Variants in NPAS3 observed in about 807,000 individuals in gnomAD.
The protein encoded by NPAS3 is neuronal PAS domain protein 3, also known as neuronal PAS domain-containing protein 3.
NPAS3 carries 14 observed loss-of-function variants against 73.1 expected under a neutral mutation model. The ratio of observed to expected loss-of-function variants is 0.19; its 90% CI spans 0.13 to 0.30. The LOEUF (loss-of-function observed/expected upper bound fraction) is 0.30, where lower values mean the gene tolerates loss of function less well. NPAS3 is among the 10% of genes least tolerant of loss of function. The pLI, the probability that NPAS3 is intolerant of heterozygous loss-of-function variation, is 1.00. For synonymous variants in NPAS3, 620 were observed against 541.5 expected (o/e 1.14, Z -2.01); for missense variants, 1,096 against 1,250.0 (o/e 0.88, Z 1.86).
At chr14:33,558,777 T>G (rs1441101281) in intron 4 of NPAS3, among the ~76,000 whole-genome samples, 1 of 152,020 alleles carries the variant, frequency 6.6e-6, no homozygotes, top group Non-Finnish European at 1.5e-5. Flanking sequence ...TTTTACAAAT[T>G]TTGTCATTAA....
intron 7 of NPAS3, among the ~76,000 whole-genome samples, chr14:33,767,624 A>C (rs11621812): frequency 0.045 from 6,213 of 138,436 alleles, 176 homozygotes; most frequent in Non-Finnish European, 0.066. Context: ...TTCGTACCTG[A>C]AGCCTTTTTC....
intron 5 of NPAS3, among the ~76,000 whole-genome samples, chr14:33,675,942 C>A (rs926522621): frequency 6.6e-6 from 1 of 151,102 alleles, no homozygotes; most frequent in East Asian, 1.9e-4. Flanking sequence ...GTCCACATTT[C>A]ACAGAATGTT....
intron 6 of NPAS3, among the ~76,000 whole-genome samples, chr14:33,702,413 GCAAATAATCC>G (rs2060547543): frequency 6.6e-6 from 1 of 152,188 alleles, no homozygotes. Flanking sequence ...CAGTGCAGAT[GCAAATAATCC>G]TAACAAATTA....
intron 3 of NPAS3, among the ~76,000 whole-genome samples, chr14:33,319,963 T>C (rs925532242): frequency 2.0e-5 from 3 of 152,158 alleles, no homozygotes; most frequent in African/African-American, 7.2e-5. Context: ...AGCCAAACTA[T>C]GACCAATTCC....
intron 2 of NPAS3, among the ~76,000 whole-genome samples, chr14:33,065,666 G>A (rs1031268755): frequency 1.3e-5 from 2 of 151,920 alleles, no homozygotes; most frequent in African/African-American, 4.8e-5. Context: ...TAATTTCCCT[G>A]TCCCTCCCTC....
chr14:33,077,958 T>C (rs964227776), intron 2 of NPAS3, among the ~76,000 whole-genome samples: 1 of 151,590 alleles, frequency 6.6e-6, no homozygotes, highest in African/African-American at 2.4e-5. Flanking sequence ...GGCAACATGG[T>C]GAAACCCCGT....
intron 3 of NPAS3, among the ~76,000 whole-genome samples, chr14:33,249,925 C>T (rs1016639446): frequency 2.0e-5 from 3 of 151,912 alleles, no homozygotes; most frequent in African/African-American, 7.3e-5. Flanking sequence ...CACACACACA[C>T]ACACACACAC....
chr14:33,415,061 A>C (rs1437043760), intron 4 of NPAS3, among the ~76,000 whole-genome samples: 1 of 152,126 alleles, frequency 6.6e-6, no homozygotes, highest in African/African-American at 2.4e-5. Context: ...TTTTTCAACC[A>C]ATATGCATAA....
At chr14:33,799,802 G>A (rs1479621400) in exon 12 of NPAS3, 22 of 1,612,994 alleles carry the variant, frequency 1.4e-5, no homozygotes, top group Admixed American at 5.0e-5. Context: ...CCCGGAGCCC[G>A]ACCGGAAGAA....
chr14:33,283,577 G>A (rs983168110), intron 3 of NPAS3, among the ~76,000 whole-genome samples: 1 of 152,154 alleles, frequency 6.6e-6, no homozygotes, highest in African/African-American at 2.4e-5. Context: ...CCTTCAGAAA[G>A]GCATATTTCC....
At chr14:33,254,916 G>A (rs909622299) in intron 3 of NPAS3, among the ~76,000 whole-genome samples, 9 of 152,002 alleles carry the variant, frequency 5.9e-5, no homozygotes, top group African/African-American at 2.2e-4. Context: ...CATGGACTAT[G>A]TCAGGAGATG....
At chr14:33,327,722 G>A (rs1397978686) in intron 3 of NPAS3, among the ~76,000 whole-genome samples, 1 of 152,010 alleles carries the variant, frequency 6.6e-6, no homozygotes, top group East Asian at 1.9e-4. Flanking sequence ...ATTGCAGGCA[G>A]AAAAAAATTA....
chr14:33,461,777 C>G (rs1198852086), intron 4 of NPAS3, among the ~76,000 whole-genome samples: 1 of 152,210 alleles, frequency 6.6e-6, no homozygotes, highest in African/African-American at 2.4e-5. Flanking sequence ...GGAAGCATAG[C>G]TTAGTGCAGG....
chr14:33,018,535 A>G (rs2039475169), intron 1 of NPAS3, among the ~76,000 whole-genome samples: 1 of 152,224 alleles, frequency 6.6e-6, no homozygotes, highest in Non-Finnish European at 1.5e-5. Context: ...TCTGTGAGAG[A>G]CTGAATCTTT....
rs189690513 is a variant in NPAS3 at position 33,088,229 on chromosome 14, C to A, written c.140+32235C>A. Among the ~76,000 whole-genome samples the A allele has an allele frequency of 9.8e-5, 15 of 152,312 alleles. No individual in the cohort carries two copies. In the East Asian group the frequency reaches 2.7e-3, roughly 28 times the overall value. On this transcript the variant is annotated intron_variant, in intron 2 of 11. Transcript: ENST00000356141. ...GCAGCCCACTCAGCGTGAGCTGAAG[C>A]AGGGAGAGGCATCACCTCACCCAGG...
intron 1 of NPAS3, among the ~76,000 whole-genome samples, chr14:33,035,445 A>T (rs1469383900): frequency 6.6e-6 from 1 of 152,192 alleles, no homozygotes; most frequent in African/African-American, 2.4e-5. Flanking sequence ...GGCTGTGCAC[A>T]CGTCTGATCT....
At chr14:33,115,900 T>G (rs1265512189) in intron 2 of NPAS3, among the ~76,000 whole-genome samples, 2 of 152,136 alleles carry the variant, frequency 1.3e-5, no homozygotes, top group African/African-American at 4.8e-5. Context: ...TAAATTAAAG[T>G]CTATTTTATA....
intron 5 of NPAS3, among the ~76,000 whole-genome samples, chr14:33,667,764 G>A (rs2059495492): frequency 6.6e-6 from 1 of 152,136 alleles, no homozygotes; most frequent in Admixed American, 6.5e-5. Flanking sequence ...ATTCGGGAGG[G>A]TCAGTGGTTA....
At chr14:33,039,860 T>TAA (rs1365832227) in intron 1 of NPAS3, among the ~76,000 whole-genome samples, 2 of 152,154 alleles carry the variant, frequency 1.3e-5, no homozygotes, top group Non-Finnish European at 2.9e-5. Context: ...CTGGCTAACT[T>TAA]TAGATTGATA....
Sources: allele counts gnomAD v4.1 joint callset (sites outside exome capture counted in the v4.1 genomes callset), GRCh38; gene constraint gnomAD v4.1.1; transcripts MANE v1.5; gene names NCBI Gene and HGNC (gene_info 2026-07-23, HGNC 2026-07-21).